The following XRN1 variants were observed in gnomAD, a reference collection of about 807,000 sequenced individuals.
XRN1 encodes the protein 5'-3' exoribonuclease 1, also known as strand-exchange protein 1 homolog.
Under a neutral mutation model 222.3 loss-of-function variants are expected in XRN1, and 67 were observed. The ratio of observed to expected loss-of-function variants is 0.30; its 90% CI spans 0.25 to 0.37. The LOEUF (loss-of-function observed/expected upper bound fraction) is 0.37. Among genes scored for constraint, XRN1 ranks in the 10% least tolerant of loss-of-function variants. XRN1 has a pLI of 1.00. For synonymous variants in XRN1, 643 were observed against 652.4 expected, an observed-to-expected ratio of 0.99 and a Z score of 0.22; for missense variants, 1,707 against 2,000.2, an observed-to-expected ratio of 0.85 and a Z score of 2.80.
chr3:142,384,413 T>C (rs2067420295), intron 21 of XRN1, 110 bp downstream of exon 21: 6 of 795,666 alleles, frequency 7.5e-6, no homozygotes, highest in East Asian at 3.0e-5. Flanking sequence ...ATAATCTCTA[T>C]TATACATTGC....
intron 15 of XRN1, among the ~76,000 whole-genome samples, chr3:142,410,487 G>T (rs1343699600): frequency 1.2e-3 from 81 of 68,024 alleles, no homozygotes; most frequent in Middle Eastern, 0.023. Flanking sequence ...TCTATCTCAT[G>T]TTTTTTTTTT....
At chr3:142,416,374 G>C (rs1376730337) in intron 13 of XRN1, among the ~76,000 whole-genome samples, 1 of 152,012 alleles carries the variant, frequency 6.6e-6, no homozygotes, top group Non-Finnish European at 1.5e-5. Flanking sequence ...GTAGAGATGG[G>C]GTTTCACCAT....
intron 2 of XRN1, among the ~76,000 whole-genome samples, chr3:142,431,853 A>G (rs1343788767): frequency 2.5e-5 from 1 of 39,320 alleles, no homozygotes; most frequent in Non-Finnish European, 4.3e-5. Flanking sequence ...AAAAATATAT[A>G]TATTATATAT....
At position 142,377,775 on chromosome 3, in the gene XRN1, T is replaced by C. The variant is rs116536241; in HGVS notation, c.2716-1181A>G. Among the ~76,000 whole-genome samples the C allele has an allele frequency of 2.4e-3, 361 of 152,238 alleles. 3 individuals carry two copies. The highest frequency in any genetic ancestry group is 8.1e-3 in the African/African-American group (335 of 41,562). ...GTATGTAAAGAGAAAGAAACAACAC[T>C]GTACACTATCATACAACAGGACAGG... On this transcript the variant is annotated intron_variant, in intron 23 of 40. Coordinates refer to ENST00000392981, the MANE Select transcript of XRN1 (RefSeq NM_001282857.2).
At chr3:142,413,193 C>T (rs1171226015) in intron 14 of XRN1, among the ~76,000 whole-genome samples, 1 of 152,112 alleles carries the variant, frequency 6.6e-6, no homozygotes, top group Non-Finnish European at 1.5e-5. Context: ...ATTTCTATGA[C>T]TTTATAACGG....
Position 142,371,249 on chromosome 3 carries a change from T to C in XRN1, c.3058A>G (p.Asn1020Asp), listed in dbSNP as rs1306918065. The C allele has an allele frequency of 2.5e-6, 4 of 1,613,080 alleles. No homozygotes were observed. The Admixed American group carries it at 6.7e-5, about 27-fold the overall frequency. ...FYEDDIWPGE[N>D]ENGAEKVQEI... ...ATAAATCTTGCTTACCCATTCTCAT[T>C]TTCTCCAGGCCAAATGTCATCTTCA... The change falls in exon 26 of 41, where the codon AAT becomes GAT. Residue 1020 changes from asparagine to aspartate, a missense_variant. Physicochemically the swap from Asn to Asp is conservative, Grantham distance 23. Around this residue, in one of 2 missense-constraint regions of XRN1, gnomAD observed 1,234 missense variants for 1,518.2 expected, o/e 0.81. Transcript: ENST00000392981.
intron 6 of XRN1, among the ~76,000 whole-genome samples, chr3:142,423,218 C>G (rs2069111153): frequency 6.6e-6 from 1 of 152,098 alleles, no homozygotes; most frequent in East Asian, 1.9e-4. Flanking sequence ...TGAGATCTGG[C>G]CCATTTAAGG....
rs766464851 is a variant in XRN1, at chr3:142,421,159, C to G, written c.1036-6G>C. The G allele has an allele frequency of 1.2e-5, 19 of 1,563,520 alleles. No individual in the cohort carries two copies. The highest frequency in any genetic ancestry group is 1.5e-5 in the Non-Finnish European group (18 of 1,161,582). The stretch of plus-strand genomic sequence containing the variant: ...CTGAAGTGCTCCCGATCAAACTGTA[C>G]AGAAATATTTAAATTTATTTTTAAA... On this transcript the variant is annotated splice_polypyrimidine_tract_variant and splice_region_variant and intron_variant, in intron 9 of 40. Coordinates refer to ENST00000392981, the MANE Select transcript of XRN1 (RefSeq NM_001282857.2).
chr3:142,408,779 T>G (rs780127249), intron 15 of XRN1, among the ~76,000 whole-genome samples: 2 of 152,242 alleles, frequency 1.3e-5, no homozygotes, highest in Non-Finnish European at 2.9e-5. Context: ...CAGATAGATA[T>G]GAAAAGTGCT....
At chr3:142,328,724 TATATA>T (rs2065599365) in intron 37 of XRN1, among the ~76,000 whole-genome samples, 1 of 13,426 alleles carries the variant, frequency 7.4e-5, no homozygotes, top group African/African-American at 9.7e-4. Flanking sequence ...TATATATATA[TATATA>T]TATATATATA....
intron 33 of XRN1, among the ~76,000 whole-genome samples, chr3:142,342,272 AT>A (rs1178909890): frequency 6.6e-6 from 1 of 152,226 alleles, no homozygotes; most frequent in African/African-American, 2.4e-5. Context: ...ACTATAAAAC[AT>A]TGATGCAAGA....
At chr3:142,403,099 C>T (rs2068208907) in intron 18 of XRN1, among the ~76,000 whole-genome samples, 1 of 152,140 alleles carries the variant, frequency 6.6e-6, no homozygotes, top group Non-Finnish European at 1.5e-5. Flanking sequence ...CCAAACTCAG[C>T]CTGGTACTCA....
At chr3:142,337,395 T>A (rs2065879870) in intron 33 of XRN1, among the ~76,000 whole-genome samples, 1 of 152,232 alleles carries the variant, frequency 6.6e-6, no homozygotes, top group Non-Finnish European at 1.5e-5. Context: ...CATTATACTC[T>A]AGGAGGTCAG....
Position 142,405,011 on chromosome 3 carries a change from GT to G in XRN1, c.1778del (p.Asn593ThrfsTer7). ...HSLKKEERKR[N>X]QHSECLMCWY... ...AGCACATTAGGCACTCACTATGTTG[GT>G]TTCTTTTCCTCTCTTCCTTTTTGAG... On this transcript the variant is annotated frameshift_variant, in exon 16 of 41. Transcript: ENST00000392981. LOFTEE classifies it high-confidence loss of function. 6.2e-7 allele frequency: 1 copy of G among 1,613,972 alleles called. No homozygotes were observed. Among genetic ancestry groups the G allele is most frequent in the Non-Finnish European group, 8.5e-7 (1 of 1,179,888 alleles).
At chr3:142,324,782 A>G (rs139935822) in intron 37 of XRN1, among the ~76,000 whole-genome samples, 1,569 of 150,666 alleles carry the variant, frequency 0.01, 44 homozygotes, top group African/African-American at 0.036. Flanking sequence ...TTTAATGATC[A>G]CCATTCTAAC....
intron 34 of XRN1, among the ~76,000 whole-genome samples, chr3:142,334,116 C>T (rs2065780899): frequency 4.6e-5 from 7 of 152,128 alleles, no homozygotes; most frequent in Admixed American, 4.6e-4. Context: ...ATTAAAAATA[C>T]TATTCTGAGA....
chr3:142,338,296 T>C (rs188488821), intron 33 of XRN1, among the ~76,000 whole-genome samples: 2 of 151,982 alleles, frequency 1.3e-5, no homozygotes, highest in East Asian at 3.9e-4. Context: ...TGTGTCAGAG[T>C]CATGAGACCC....
At position 142,311,651 on chromosome 3, in the gene XRN1, G is replaced by A. The variant is rs1198174638; in HGVS notation, c.4945C>T (p.Gln1649Ter). The part of the protein sequence containing the change: ...SASLKSSPIA[Q>*]PASSFQVETA... ...TCAACTTGAAAAGAAGATGCAGGTTGAGCAATCGGAGAGGACTTCAAAGAA... is the reference window on the plus strand; with the variant it reads ...TCAACTTGAAAAGAAGATGCAGGTTAAGCAATCGGAGAGGACTTCAAAGAA... Residue 1649 changes from glutamine (Q) to a stop codon, truncating the protein, a stop_gained, in exon 41 of 41, where the codon CAA becomes TAA. Transcript: ENST00000392981. LOFTEE classifies it high-confidence loss of function. 1 of 1,614,028 alleles carries A rather than the reference G, an allele frequency of 6.2e-7. No homozygotes were observed. The highest frequency in any genetic ancestry group is 8.5e-7 in the Non-Finnish European group (1 of 1,180,016).
rs750602003 is a variant in XRN1 at position 142,310,029 on chromosome 3, G to A, written c.*1482C>T. The A allele has an allele frequency of 5.9e-5, 9 of 152,590 alleles. No homozygotes were observed. Among genetic ancestry groups the A allele is most frequent in the Non-Finnish European group, 1.3e-4 (9 of 68,024 alleles). 9.5% of individuals were successfully genotyped at this position (152,590 alleles called of 1,614,324 possible). A position where few individuals can be genotyped will look rare whatever the true frequency, so the allele number is the denominator to read the frequency against. On this transcript the variant is annotated 3_prime_UTR_variant, in exon 41 of 41. Transcript: ENST00000392981. ...AAATCATGGAAACTTATACGACTAT[G>A]ATAAATGACAGATAATGAATATTTC...
Sources: gnomAD v4.1 joint callset for allele counts (sites outside exome capture counted in the v4.1 genomes callset) on GRCh38, gnomAD v4.1.1 for gene constraint, gnomAD v4.1.1 regional missense constraint, MANE v1.5 for transcripts, NCBI Gene and HGNC (gene_info 2026-07-23, HGNC 2026-07-21) for gene names.